Variants in VPS4B observed in about 807,000 individuals in gnomAD.
VPS4B encodes the protein vacuolar protein sorting 4 homolog B.
VPS4B carries 23 observed loss-of-function variants against 56.1 expected under a neutral mutation model. The ratio of observed to expected loss-of-function variants is 0.41; its 90% CI spans 0.30 to 0.58. The LOEUF is 0.58. Ranked by LOEUF, VPS4B falls within the 20% of genes least tolerant of loss-of-function variation. The pLI is 0.29. For missense variants in VPS4B, 372 were observed against 531.9 expected, an observed-to-expected ratio of 0.70 and a Z score of 2.96; for synonymous variants, 177 against 186.0, an observed-to-expected ratio of 0.95 and a Z score of 0.39.
chr18:63,392,508 G>A (rs1234180615), intron 10 of VPS4B, among the ~76,000 whole-genome samples: 1 of 152,024 alleles, frequency 6.6e-6, no homozygotes, highest in Non-Finnish European at 1.5e-5. Context: ...GAGTGCAGTG[G>A]TATGATCTCG....
intron 10 of VPS4B, among the ~76,000 whole-genome samples, chr18:63,391,382 C>G (rs761788462): frequency 7.9e-5 from 12 of 152,128 alleles, no homozygotes; most frequent in African/African-American, 1.2e-4. Flanking sequence ...GCACCTGAAA[C>G]CACACCTGGC....
rs760759039 is a variant in VPS4B, at chr18:63,397,242, C to T, written c.884G>A (p.Arg295Gln). ...DSAIRRRFEK[R>Q]IYIPLPEPHA... ...GGGTTCCGGCAAGGGAATATAAATT[C>T]GTTTCTCAAATCTTAAAAGAGAAAT... is the stretch of plus-strand genomic sequence containing the variant. Residue 295 changes from arginine to glutamine, a missense_variant, in exon 9 of 11, where the codon CGA (arginine) becomes CAA (glutamine). Physicochemically the swap from Arg to Gln is conservative, Grantham distance 43. Coordinates refer to ENST00000238497, the MANE Select transcript of VPS4B (RefSeq NM_004869.4). The T allele has an allele frequency of 6.3e-6, 10 of 1,597,822 alleles. No homozygotes were observed. Among genetic ancestry groups the T allele is most frequent in the South Asian group, 5.7e-5 (5 of 87,890 alleles).
intron 5 of VPS4B, among the ~76,000 whole-genome samples, chr18:63,402,544 A>G (rs1311797267): frequency 6.6e-6 from 1 of 152,204 alleles, no homozygotes; most frequent in Non-Finnish European, 1.5e-5. Flanking sequence ...GTCTCTGTAT[A>G]TTTATGCTAT....
At chr18:63,418,865 A>G (rs1916229156) in intron 1 of VPS4B, among the ~76,000 whole-genome samples, 2 of 152,158 alleles carry the variant, frequency 1.3e-5, no homozygotes, top group East Asian at 3.9e-4. Context: ...CTGTACGCTA[A>G]TAAATCCTTA....
Position 63,389,278 on chromosome 18 carries a change from A to G in VPS4B, c.*1697T>C, listed in dbSNP as rs1915489413. The G allele has an allele frequency of 6.6e-6, 1 of 152,412 alleles. No homozygotes were observed. The highest frequency in any genetic ancestry group is 1.9e-4 in the East Asian group (1 of 5,202). 9.4% of individuals were successfully genotyped at this position (152,412 alleles called of 1,614,324 possible). A position where few individuals can be genotyped will look rare whatever the true frequency, so the allele number is the denominator to read the frequency against. ...TCTTTTACACAGAAGGTCCCAAAAT[A>G]AAGAATAATACACAGAATACAGTCA... On this transcript the variant is annotated 3_prime_UTR_variant, in exon 11 of 11. Coordinates refer to ENST00000238497, the MANE Select transcript of VPS4B (RefSeq NM_004869.4).
At chr18:63,393,210 T>C (rs930696340) in intron 10 of VPS4B, among the ~76,000 whole-genome samples, 199 bp downstream of exon 10, 1 of 152,214 alleles carries the variant, frequency 6.6e-6, no homozygotes, top group East Asian at 1.9e-4. Flanking sequence ...TAAAGGTTCC[T>C]CTAAACCCAA....
intron 1 of VPS4B, chr18:63,415,553 T>C (rs954544958): frequency 5.3e-5 from 15 of 283,752 alleles, no homozygotes; most frequent in Non-Finnish European, 1.4e-5. Flanking sequence ...ATCTTCAAAA[T>C]GTCCAGCTGG....
chr18:63,408,279 A>G (rs997342586), intron 3 of VPS4B, among the ~76,000 whole-genome samples: 4 of 143,852 alleles, frequency 2.8e-5, no homozygotes, highest in Non-Finnish European at 6.3e-5. Context: ...TATCATTTTT[A>G]AAACAATAAC....
chr18:63,422,192 G>A, intron 1 of VPS4B, 41 bp downstream of exon 1: 1 of 1,443,882 alleles, frequency 6.9e-7, no homozygotes, highest in Non-Finnish European at 9.1e-7. Flanking sequence ...GCCTCCCCTC[G>A]ATCCCAGCTC....
rs1268781102 is a variant in VPS4B, at chr18:63,397,049, A to G, written c.1077T>C (p.Ala359=). The G allele has an allele frequency of 6.2e-7, 1 of 1,613,844 alleles. No homozygotes were observed. The highest frequency in any genetic ancestry group is 8.5e-7 in the Non-Finnish European group (1 of 1,179,962). Residue 359 remains alanine (A), a synonymous_variant, in exon 9 of 11, where the codon GCT becomes GCC. Coordinates refer to ENST00000238497, the MANE Select transcript of VPS4B (RefSeq NM_004869.4). ...LMQPVRKVQS[A]THFKKVRGPS... is the part of the protein sequence containing the mutation. Reference sequence around the variant, plus strand: ...AATGACTTACCTTTTTAAAATGAGTAGCTGACTGTACTTTCCTAACAGGCT... The same window carrying G: ...AATGACTTACCTTTTTAAAATGAGTGGCTGACTGTACTTTCCTAACAGGCT...
intron 5 of VPS4B, 33 bp from the exon 6 acceptor site, chr18:63,400,736 A>AT (rs761571475): frequency 6.3e-7 from 1 of 1,577,164 alleles, no homozygotes; most frequent in Admixed American, 2.0e-5. Flanking sequence ...TGTCATGAGA[A>AT]TTTTAACACT....
chr18:63,398,553 C>T (rs1050586422), intron 8 of VPS4B, among the ~76,000 whole-genome samples: 1 of 151,426 alleles, frequency 6.6e-6, no homozygotes, highest in East Asian at 1.9e-4. Context: ...AAAAAAAAAT[C>T]TTGGCTGGGC....
chr18:63,396,941 G>C, intron 9 of VPS4B, 93 bp downstream of exon 9: 1 of 1,264,286 alleles, frequency 7.9e-7, no homozygotes, highest in South Asian at 1.3e-5. Flanking sequence ...AGCAAGCCCA[G>C]ATAGTGCCAC....
chr18:63,409,720 T>C (rs1915992194), intron 3 of VPS4B, among the ~76,000 whole-genome samples: 1 of 152,234 alleles, frequency 6.6e-6, no homozygotes, highest in South Asian at 2.1e-4. Context: ...TTGTTTTCTT[T>C]ACAATGACAA....
At chr18:63,398,003 A>T (rs1915709430) in intron 8 of VPS4B, among the ~76,000 whole-genome samples, 1 of 152,282 alleles carries the variant, frequency 6.6e-6, no homozygotes, top group South Asian at 2.1e-4. Context: ...TGAATGGGAT[A>T]AAAGTGGCAA....
rs192822287 is a variant in VPS4B, at chr18:63,415,800, G to T, written c.28-4222C>A. On this transcript the variant is annotated intron_variant, in intron 1 of 10. Coordinates refer to ENST00000238497, the MANE Select transcript of VPS4B (RefSeq NM_004869.4). ...TCACCATTCTTGGCCCTTCCCCGAT[G>T]AATTTCTATACAAATTCAGAGCCAG... 753 of 205,584 alleles carry T rather than the reference G, an allele frequency of 3.7e-3. 3 individuals are homozygous for T. The highest frequency in any genetic ancestry group is 6.1e-3 in the Non-Finnish European group (588 of 97,024). 12.7% of individuals were successfully genotyped at this position (205,584 alleles called of 1,614,324 possible). A position where few individuals can be genotyped will look rare whatever the true frequency, so the allele number is the denominator to read the frequency against.
In VPS4B at chr18:63,398,204, C is replaced by CACACACACATATATAT. The variant is rs1298374245; in HGVS notation, c.873-952_873-951insATATATATGTGTGTGT. 1.1e-4 allele frequency among the ~76,000 whole-genome samples: 12 copies of CACACACACATATATAT among 112,494 alleles called. 1 individual carries two copies. The highest frequency in any genetic ancestry group is 3.9e-4 in the African/African-American group (12 of 30,744). 73.8% of individuals were successfully genotyped at this position (112,494 alleles called of 152,430 possible). On this transcript the variant is annotated intron_variant, in intron 8 of 10. Coordinates refer to ENST00000238497, the MANE Select transcript of VPS4B (RefSeq NM_004869.4). The stretch of plus-strand genomic sequence containing the variant: ...ATATACATATATACACACACACACA[C>CACACACACATATATAT]ATATATATATATATATATATTTTTT...
At chr18:63,407,381 T>G in intron 4 of VPS4B, 51 bp downstream of exon 4, 1 of 1,431,180 alleles carries the variant, frequency 7.0e-7, no homozygotes. Flanking sequence ...GACAATTCAC[T>G]TTGAGTCTTT....
intron 9 of VPS4B, 109 bp from the exon 10 acceptor site, chr18:63,393,658 G>T: frequency 8.9e-7 from 1 of 1,126,272 alleles, no homozygotes. Flanking sequence ...TGTTTTATTA[G>T]AATGTTTACT....
Sources: gnomAD v4.1 joint callset for allele counts (sites outside exome capture counted in the v4.1 genomes callset) on GRCh38, gnomAD v4.1.1 for gene constraint, MANE v1.5 for transcripts, NCBI Gene and HGNC (gene_info 2026-07-23, HGNC 2026-07-21) for gene names.